VPS13B: variants seen among roughly 807,000 people sequenced by gnomAD.
VPS13B encodes intermembrane lipid transfer protein VPS13B.
In VPS13B, 285 loss-of-function variants were observed where a neutral mutation model predicts 426.4. That is an observed-to-expected ratio of 0.67 (90% CI 0.61 to 0.74). The LOEUF (loss-of-function observed/expected upper bound fraction) is 0.74, where lower values mean the gene tolerates loss of function less well. Ranked by LOEUF, VPS13B falls within the 30% of genes least tolerant of loss-of-function variation. The probability of loss-of-function intolerance (pLI) is 0.00; values close to 1 mark genes in which losing one functional copy is unlikely to be tolerated. For synonymous variants in VPS13B, 1,676 were observed against 1,676.4 expected (o/e 1.00, Z 0.01); for missense variants, 4,537 against 4,782.6 (o/e 0.95, Z 1.51).
chr8:99,414,898 C>T (rs1041830713), intron 21 of VPS13B, among the ~76,000 whole-genome samples: 1 of 152,084 alleles, frequency 6.6e-6, no homozygotes, highest in Non-Finnish European at 1.5e-5. Flanking sequence ...GTTTGCTCTT[C>T]TCAAGGAGTA....
chr8:99,673,892 T>A (rs2129911515), intron 35 of VPS13B, among the ~76,000 whole-genome samples: 1 of 152,206 alleles, frequency 6.6e-6, no homozygotes, highest in African/African-American at 2.4e-5. Flanking sequence ...TTATTTAATT[T>A]CCATAAACTT....
intron 23 of VPS13B, among the ~76,000 whole-genome samples, chr8:99,459,963 A>T (rs1818740291): frequency 6.6e-6 from 1 of 152,032 alleles, no homozygotes; most frequent in Non-Finnish European, 1.5e-5. Flanking sequence ...ACCTTTTTCC[A>T]GCTTTTTACG....
intron 19 of VPS13B, among the ~76,000 whole-genome samples, chr8:99,383,735 G>A (rs1813964360): frequency 6.6e-6 from 1 of 151,968 alleles, no homozygotes; most frequent in Non-Finnish European, 1.5e-5. Context: ...TCTTTGTCAG[G>A]CTTATTTCAC....
chr8:99,789,361 CTG>C (rs1400349891), intron 43 of VPS13B, among the ~76,000 whole-genome samples: 2 of 152,132 alleles, frequency 1.3e-5, no homozygotes, highest in Non-Finnish European at 2.9e-5. Flanking sequence ...AAGAAATACT[CTG>C]TGTTGCCAAA....
chr8:99,694,768 A>G (rs1326576331), intron 35 of VPS13B, among the ~76,000 whole-genome samples: 5 of 152,082 alleles, frequency 3.3e-5, no homozygotes, highest in African/African-American at 4.8e-5. Context: ...GCAACCTACA[A>G]CATGGGAGAA....
At position 99,274,052 on chromosome 8, in the gene VPS13B, T is replaced by C. The variant is rs6987376; in HGVS notation, c.2516-146T>C. 1 allele frequency: 1,121,808 copies of C among 1,126,508 alleles called. 558,779 individuals are homozygous for C. Among genetic ancestry groups the C allele is most frequent in the Middle Eastern group, 1 (3,432 of 3,432 alleles). 69.8% of individuals were successfully genotyped at this position (1,126,508 alleles called of 1,614,324 possible). A position where few individuals can be genotyped will look rare whatever the true frequency, so the allele number is the denominator to read the frequency against. ...AATTTGCATCCTTTCACCTCTGAAA[T>C]ACTAAACTATGAAACCTAACACAAA... On this transcript the variant is annotated intron_variant, in intron 17 of 61. Coordinates refer to ENST00000357162, the MANE Select transcript of VPS13B (RefSeq NM_152564.5).
At chr8:99,181,784 A>G (rs1476947194) in intron 16 of VPS13B, among the ~76,000 whole-genome samples, 1 of 152,132 alleles carries the variant, frequency 6.6e-6, no homozygotes, top group Non-Finnish European at 1.5e-5. Context: ...TTTTAATCAC[A>G]TGTATTAATA....
intron 52 of VPS13B, among the ~76,000 whole-genome samples, chr8:99,833,086 T>G (rs1815172288): frequency 6.6e-6 from 1 of 152,226 alleles, no homozygotes; most frequent in Admixed American, 6.5e-5. Flanking sequence ...ATATTTTACT[T>G]TTACTTCAAA....
intron 19 of VPS13B, among the ~76,000 whole-genome samples, chr8:99,296,084 C>A (rs1820026056): frequency 6.6e-6 from 1 of 152,126 alleles, no homozygotes. Context: ...CTGCATATGG[C>A]TTTTGCACCA....
At chr8:99,786,778 T>G (rs1050103380) in intron 43 of VPS13B, among the ~76,000 whole-genome samples, 2 of 152,154 alleles carry the variant, frequency 1.3e-5, no homozygotes, top group Non-Finnish European at 2.9e-5. Flanking sequence ...AAACGACGTC[T>G]TCTTACTATA....
chr8:99,764,042 A>T (rs1291498961), intron 39 of VPS13B, among the ~76,000 whole-genome samples: 1 of 152,204 alleles, frequency 6.6e-6, no homozygotes, highest in Non-Finnish European at 1.5e-5. Context: ...CAATCTGTTC[A>T]TTAAAGAAGC....
intron 34 of VPS13B, among the ~76,000 whole-genome samples, chr8:99,658,192 C>T (rs890014364): frequency 2.0e-5 from 3 of 152,094 alleles, no homozygotes; most frequent in Non-Finnish European, 4.4e-5. Flanking sequence ...TAAAAGTTAA[C>T]AGATTTTTTT....
intron 2 of VPS13B, among the ~76,000 whole-genome samples, chr8:99,014,709 A>T (rs1841523842): frequency 6.6e-6 from 1 of 151,568 alleles, no homozygotes; most frequent in South Asian, 2.1e-4. Context: ...AAAAAAAAAA[A>T]AGAGCAGATT....
At position 99,589,559 on chromosome 8, in the gene VPS13B, G is replaced by T. The variant is rs202198357; in HGVS notation, c.5220+11926G>T. ...CTCATCTTTTTTTATGGCTGCATAGGATTCCATGGTGTATATGTGCCACAT... is the reference window on the plus strand; with the variant it reads ...CTCATCTTTTTTTATGGCTGCATAGTATTCCATGGTGTATATGTGCCACAT... On this transcript the variant is annotated intron_variant, in intron 33 of 61. Transcript: ENST00000357162. Among the ~76,000 whole-genome samples, 55 of 151,736 alleles carry T rather than the reference G, an allele frequency of 3.6e-4. 2 individuals carry two copies. The highest frequency in any genetic ancestry group is 1.3e-3 in the African/African-American group (52 of 41,118).
At chr8:99,288,869 G>T (rs1819577720) in intron 19 of VPS13B, among the ~76,000 whole-genome samples, 1 of 151,950 alleles carries the variant, frequency 6.6e-6, no homozygotes, top group Admixed American at 6.6e-5. Flanking sequence ...CATGTATTTT[G>T]ACATAGGAAC....
chr8:99,040,603 G>A (rs927295672), intron 3 of VPS13B, among the ~76,000 whole-genome samples: 10 of 152,106 alleles, frequency 6.6e-5, no homozygotes, highest in African/African-American at 2.4e-4. Context: ...GATTAGTATA[G>A]TATGTAATTA....
At chr8:99,315,245 C>T (rs1821256014) in intron 19 of VPS13B, among the ~76,000 whole-genome samples, 1 of 151,976 alleles carries the variant, frequency 6.6e-6, no homozygotes, top group Admixed American at 6.6e-5. Context: ...CTTTCTCTTT[C>T]CCTCTGGGAC....
intron 33 of VPS13B, among the ~76,000 whole-genome samples, chr8:99,596,017 G>A (rs1391015928): frequency 3.3e-5 from 5 of 151,790 alleles, no homozygotes; most frequent in African/African-American, 7.3e-5. Flanking sequence ...AACAAGTTTC[G>A]ACAAGAATGT....
intron 19 of VPS13B, among the ~76,000 whole-genome samples, chr8:99,284,408 C>T (rs1346511351): frequency 6.6e-6 from 1 of 152,098 alleles, no homozygotes; most frequent in Non-Finnish European, 1.5e-5. Context: ...ATCAAAGTCT[C>T]TACAGTGAAT....
Sources: gnomAD v4.1 joint callset for allele counts (sites outside exome capture counted in the v4.1 genomes callset) on GRCh38, gnomAD v4.1.1 for gene constraint, MANE v1.5 for transcripts, NCBI Gene and HGNC (gene_info 2026-07-23, HGNC 2026-07-21) for gene names.